PARPBP: variants seen among roughly 807,000 people sequenced by gnomAD.
PARPBP encodes the protein PARP1 binding protein.
In PARPBP, 52 loss-of-function variants were observed where a neutral mutation model predicts 50.0. The ratio of observed to expected loss-of-function variants is 1.04; its 90% CI spans 0.83 to 1.31. The LOEUF is 1.31. Among genes scored for constraint, PARPBP ranks in the 50% most tolerant of loss-of-function variants. PARPBP has a pLI of 0.00. For missense variants in PARPBP, 697 were observed against 672.0 expected (o/e 1.04, Z -0.41); for synonymous variants, 244 against 232.1 (o/e 1.05, Z -0.47).
chr12:102,155,605 G>GGT (rs1886791033), intron 4 of PARPBP, among the ~76,000 whole-genome samples: 1 of 110,820 alleles, frequency 9.0e-6, no homozygotes, highest in East Asian at 3.5e-4. Context: ...GGGGGGGGGG[G>GGT]GCGGGGACAA....
At chr12:102,145,900 G>A (rs955321962) in intron 2 of PARPBP, among the ~76,000 whole-genome samples, 5 of 152,170 alleles carry the variant, frequency 3.3e-5, no homozygotes, top group African/African-American at 1.2e-4. Context: ...AGGCCGAGAA[G>A]CAATGGCTCA....
At chr12:102,128,698 A>G (rs1045408531) in intron 2 of PARPBP, among the ~76,000 whole-genome samples, 2 of 152,192 alleles carry the variant, frequency 1.3e-5, no homozygotes, top group Non-Finnish European at 2.9e-5. Context: ...CATTGTGTAT[A>G]TATACCACAT....
intron 7 of PARPBP, among the ~76,000 whole-genome samples, chr12:102,178,196 G>A (rs1440925038): frequency 1.3e-5 from 2 of 152,070 alleles, no homozygotes; most frequent in Non-Finnish European, 2.9e-5. Context: ...GCATTTGATC[G>A]TTACAGTCAT....
At chr12:102,122,318 A>G (rs1030165394) in intron 1 of PARPBP, among the ~76,000 whole-genome samples, 3 of 152,180 alleles carry the variant, frequency 2.0e-5, no homozygotes, top group Admixed American at 6.6e-5. Flanking sequence ...TTAATCTCTA[A>G]TCTTCTACCT....
At chr12:102,195,271 T>A in intron 9 of PARPBP, 41 bp from the exon 10 acceptor site, 1 of 1,260,650 alleles carries the variant, frequency 7.9e-7, no homozygotes, top group South Asian at 1.3e-5. Flanking sequence ...AATAAAATAA[T>A]GAATAAATTT....
At chr12:102,192,303 CA>C (rs1056991107) in intron 9 of PARPBP, among the ~76,000 whole-genome samples, 9 of 152,230 alleles carry the variant, frequency 5.9e-5, no homozygotes, top group African/African-American at 2.2e-4. Flanking sequence ...ATGTTAACTG[CA>C]TCCAATTCTG....
chr12:102,128,258 G>A (rs1882311855), intron 2 of PARPBP, among the ~76,000 whole-genome samples: 1 of 151,848 alleles, frequency 6.6e-6, no homozygotes, highest in South Asian at 2.1e-4. Flanking sequence ...TTTTGATGGA[G>A]TCTCACTCTG....
At position 102,153,858 on chromosome 12, in the gene PARPBP, G is replaced by T; in HGVS notation, c.388-11G>T. The T allele has an allele frequency of 6.8e-7, 1 of 1,460,092 alleles. No individual in the cohort carries two copies. Among genetic ancestry groups the T allele is most frequent in the Non-Finnish European group, 9.6e-7 (1 of 1,039,904 alleles). 90.4% of individuals were successfully genotyped at this position (1,460,092 alleles called of 1,614,324 possible). A position where few individuals can be genotyped will look rare whatever the true frequency, so the allele number is the denominator to read the frequency against. On this transcript the variant is annotated splice_polypyrimidine_tract_variant and intron_variant, in intron 3 of 10. Transcript: ENST00000327680. ...TAGCATTTTATTAGTAATACTCTAT[G>T]TTTTCTACAGAGTCAACTACTGGAT...
At chr12:102,179,437 T>C (rs1293402651) in intron 8 of PARPBP, among the ~76,000 whole-genome samples, 1 of 152,222 alleles carries the variant, frequency 6.6e-6, no homozygotes, top group Non-Finnish European at 1.5e-5. Context: ...GCTTAAACAA[T>C]AGAAACCTAT....
chr12:102,148,475 T>A lies in PARPBP; in HGVS notation c.387+12T>A. 9.7e-7 allele frequency: 1 copy of A among 1,026,188 alleles called. No individual in the cohort carries two copies. Among genetic ancestry groups the A allele is most frequent in the Non-Finnish European group, 1.5e-6 (1 of 680,550 alleles). 63.6% of individuals were successfully genotyped at this position (1,026,188 alleles called of 1,614,324 possible). ...ACACAGTATCTCCTGTAAGTATTTT[T>A]TAAACAATTCTATTTTAATCAAATT... is the stretch of plus-strand genomic sequence containing the variant. On this transcript the variant is annotated intron_variant, in intron 3 of 10. Transcript: ENST00000327680.
chr12:102,151,565 G>A lies in PARPBP; in HGVS notation c.388-2304G>A, dbSNP rs973460775. The A allele has an allele frequency of 2.6e-6, 4 of 1,533,574 alleles. No homozygotes were observed. The African/African-American group carries it at 5.5e-5, about 21-fold the overall frequency. 95.0% of individuals were successfully genotyped at this position (1,533,574 alleles called of 1,614,324 possible). On this transcript the variant is annotated intron_variant, in intron 3 of 10. Transcript: ENST00000327680. ...CTTTTTAGGACCTTCTGATCTACCT[G>A]GCAGGGGTCAACTATACAGCCACCT...
intron 2 of PARPBP, among the ~76,000 whole-genome samples, chr12:102,124,926 AAT>A (rs1881736866): frequency 6.6e-6 from 1 of 152,220 alleles, no homozygotes; most frequent in South Asian, 2.1e-4. Flanking sequence ...ATTGAGAAAA[AAT>A]AGTTACTATA....
chr12:102,197,119 G>T lies in PARPBP; in HGVS notation c.*828G>T, dbSNP rs1484831934. ...TTTTAGTGCAAGATAAGGTTTTATA[G>T]CCAGATTCAGTGGCAGACCATGATT... is the stretch of plus-strand genomic sequence containing the variant. On this transcript the variant is annotated 3_prime_UTR_variant, in exon 11 of 11. Coordinates refer to ENST00000327680, the MANE Select transcript of PARPBP (RefSeq NM_017915.5). The T allele has an allele frequency of 6.2e-7, 1 of 1,612,120 alleles. No individual in the cohort carries two copies. Among genetic ancestry groups the T allele is most frequent in the Non-Finnish European group, 8.5e-7 (1 of 1,178,670 alleles).
intron 8 of PARPBP, among the ~76,000 whole-genome samples, chr12:102,181,328 T>C (rs1412672280): frequency 1.3e-5 from 2 of 152,184 alleles, no homozygotes; most frequent in Non-Finnish European, 2.9e-5. Flanking sequence ...GACACTTTTA[T>C]AAAGTACAGT....
At chr12:102,161,534 TTACC>T (rs1326241443) in intron 4 of PARPBP, among the ~76,000 whole-genome samples, 2 of 152,212 alleles carry the variant, frequency 1.3e-5, no homozygotes, top group African/African-American at 4.8e-5. Flanking sequence ...AACAGATTGA[TTACC>T]TACTATAATG....
intron 2 of PARPBP, among the ~76,000 whole-genome samples, chr12:102,139,724 G>A (rs918846438): frequency 1.3e-5 from 2 of 152,272 alleles, no homozygotes; most frequent in African/African-American, 2.4e-5. Context: ...GGCCTTTTCT[G>A]CATCTGTTGA....
At chr12:102,156,667 G>A (rs1257928502) in intron 4 of PARPBP, among the ~76,000 whole-genome samples, 2 of 151,868 alleles carry the variant, frequency 1.3e-5, no homozygotes, top group East Asian at 3.9e-4. Context: ...TGAGGCAGAG[G>A]CTTACTGTGT....
At chr12:102,172,280 C>G (rs1328090384) in intron 6 of PARPBP, among the ~76,000 whole-genome samples, 1 of 152,208 alleles carries the variant, frequency 6.6e-6, no homozygotes, top group East Asian at 1.9e-4. Context: ...GGAAGCACTC[C>G]TGAATACCTC....
rs963389462 is a variant in PARPBP, at chr12:102,146,568, T to C, written c.154-1662T>C. On this transcript the variant is annotated intron_variant, in intron 2 of 10. Transcript: ENST00000327680. ...TTACACCTTATATAAAAATTAATTC[T>C]AGATGGATTAAAGACTTAAACGTTA... 2.0e-5 allele frequency among the ~76,000 whole-genome samples: 3 copies of C among 152,118 alleles called. No homozygotes were observed. The East Asian group carries it at 5.8e-4, about 29-fold the overall frequency.
Sources: allele counts gnomAD v4.1 joint callset (sites outside exome capture counted in the v4.1 genomes callset), GRCh38; gene constraint gnomAD v4.1.1; transcripts MANE v1.5; gene names NCBI Gene and HGNC (gene_info 2026-07-23, HGNC 2026-07-21).